PLD5: variants seen among roughly 807,000 people sequenced by gnomAD.
The protein encoded by PLD5 is phospholipase D family member 5.
A neutral mutation model predicts 61.1 loss-of-function variants in PLD5; 36 were observed. That is an observed-to-expected ratio of 0.59 (90% confidence interval 0.45 to 0.78). The LOEUF is 0.78. Ranked by LOEUF, PLD5 falls within the 30% of genes least tolerant of loss-of-function variation. PLD5 has a pLI of 0.00. For missense variants in PLD5, 515 were observed against 644.4 expected, an observed-to-expected ratio of 0.80 and a Z score of 2.17; for synonymous variants, 243 against 242.8, an observed-to-expected ratio of 1.00 and a Z score of -0.01.
intron 2 of PLD5, among the ~76,000 whole-genome samples, chr1:242,305,628 T>C (rs2919019): frequency 1.3e-5 from 2 of 152,022 alleles, no homozygotes; most frequent in African/African-American, 2.4e-5. Context: ...GCAGTGCTCA[T>C]GGCTCACTGC....
intron 1 of PLD5, among the ~76,000 whole-genome samples, chr1:242,481,844 A>T (rs1052862732): frequency 5.9e-5 from 9 of 152,064 alleles, no homozygotes; most frequent in African/African-American, 2.2e-4. Flanking sequence ...ACGGCCAGGT[A>T]CTCCTCTCAG....
intron 5 of PLD5, among the ~76,000 whole-genome samples, chr1:242,208,577 G>A (rs530092519): frequency 2.0e-5 from 3 of 152,148 alleles, no homozygotes; most frequent in East Asian, 3.9e-4. Context: ...TTCTAGTTCC[G>A]AGATTAGATG....
At chr1:242,508,933 T>C (rs987823692) in intron 1 of PLD5, among the ~76,000 whole-genome samples, 1 of 151,690 alleles carries the variant, frequency 6.6e-6, no homozygotes, top group Non-Finnish European at 1.5e-5. Flanking sequence ...ACACAAAAAT[T>C]AGCCAGGCAT....
At chr1:242,359,072 C>G (rs886199485) in intron 1 of PLD5, among the ~76,000 whole-genome samples, 50 of 152,108 alleles carry the variant, frequency 3.3e-4, no homozygotes, top group Non-Finnish European at 6.2e-4. Flanking sequence ...GTGACCTATG[C>G]TATTACCTGA....
chr1:242,460,086 C>T (rs1241562978), intron 1 of PLD5, among the ~76,000 whole-genome samples: 1 of 151,764 alleles, frequency 6.6e-6, no homozygotes, highest in African/African-American at 2.4e-5. Context: ...TGTTTCTGTT[C>T]TAAGGCTCTG....
chr1:242,392,020 C>G (rs1662963953), intron 1 of PLD5, among the ~76,000 whole-genome samples: 2 of 152,114 alleles, frequency 1.3e-5, no homozygotes, highest in Non-Finnish European at 2.9e-5. Flanking sequence ...TGCCCATCAA[C>G]AGTGGATTGG....
intron 4 of PLD5, among the ~76,000 whole-genome samples, chr1:242,226,421 A>G (rs970927644): frequency 1.3e-5 from 2 of 152,256 alleles, no homozygotes; most frequent in Non-Finnish European, 2.9e-5. Flanking sequence ...ATTCATAGGC[A>G]TTATTAGTAA....
chr1:242,358,365 T>C (rs1452227425), intron 1 of PLD5, among the ~76,000 whole-genome samples: 1 of 151,774 alleles, frequency 6.6e-6, no homozygotes, highest in Non-Finnish European at 1.5e-5. Context: ...AGCCACCTTT[T>C]CTGGCATTTA....
intron 5 of PLD5, among the ~76,000 whole-genome samples, chr1:242,163,545 G>GAGAA (rs752919368): frequency 2.0e-5 from 3 of 152,166 alleles, no homozygotes; most frequent in African/African-American, 7.2e-5. Context: ...CGGAAGGAAA[G>GAGAA]AGAAAGAGGT....
intron 4 of PLD5, among the ~76,000 whole-genome samples, chr1:242,233,966 T>C (rs1259720718): frequency 6.6e-6 from 1 of 152,162 alleles, no homozygotes; most frequent in Non-Finnish European, 1.5e-5. Flanking sequence ...GGAGATGTGG[T>C]TAAATTAAAC....
At chr1:242,135,404 G>A (rs1440070159) in intron 5 of PLD5, among the ~76,000 whole-genome samples, 3 of 152,136 alleles carry the variant, frequency 2.0e-5, no homozygotes, top group Non-Finnish European at 2.9e-5. Context: ...AAAGGGTCAC[G>A]GACATGCAGT....
At chr1:242,229,724 A>C (rs1371827408) in intron 4 of PLD5, among the ~76,000 whole-genome samples, 1 of 152,060 alleles carries the variant, frequency 6.6e-6, no homozygotes, top group East Asian at 1.9e-4. Context: ...TAGGAGTCTC[A>C]TACACTGTAA....
At chr1:242,389,950 T>C (rs1558520148) in intron 1 of PLD5, among the ~76,000 whole-genome samples, 1 of 151,936 alleles carries the variant, frequency 6.6e-6, no homozygotes, top group South Asian at 2.1e-4. Context: ...GACTCCACTA[T>C]TTACTATTGC....
chr1:242,305,277 G>A (rs572612490), intron 2 of PLD5, among the ~76,000 whole-genome samples: 7 of 152,132 alleles, frequency 4.6e-5, no homozygotes, highest in Admixed American at 1.3e-4. Context: ...GTGTTCCAGC[G>A]TCCTGCCCCA....
At chr1:242,509,814 G>T (rs1249661795) in intron 1 of PLD5, among the ~76,000 whole-genome samples, 1 of 152,174 alleles carries the variant, frequency 6.6e-6, no homozygotes, top group African/African-American at 2.4e-5. Context: ...AGGATGAGAA[G>T]ACAGGAATTA....
chr1:242,504,489 A>G (rs1404300437), intron 1 of PLD5, among the ~76,000 whole-genome samples: 1 of 152,198 alleles, frequency 6.6e-6, no homozygotes, highest in Non-Finnish European at 1.5e-5. Flanking sequence ...TACTCAATTC[A>G]TTTTCATACT....
At chr1:242,202,833 C>T (rs569549046) in intron 5 of PLD5, among the ~76,000 whole-genome samples, 3 of 152,132 alleles carry the variant, frequency 2.0e-5, no homozygotes, top group East Asian at 1.9e-4. Flanking sequence ...TCAGGTGACA[C>T]CCTATCCTGG....
At chr1:242,179,327 C>A (rs566664243) in intron 5 of PLD5, among the ~76,000 whole-genome samples, 40 of 152,220 alleles carry the variant, frequency 2.6e-4, no homozygotes, top group African/African-American at 9.6e-4. Flanking sequence ...TCAAAGGAGG[C>A]CTTGTCTGCA....
rs1662966717 is a variant in PLD5 at position 242,128,370 on chromosome 1, G to C, written c.736-3705C>G. Reference sequence around the variant, plus strand: ...TCCACCTTGTTTCTCAGAAGTATTTGTCTGCTAATCTTCATGTGGATGTTT... The same window carrying C: ...TCCACCTTGTTTCTCAGAAGTATTTCTCTGCTAATCTTCATGTGGATGTTT... On this transcript the variant is annotated intron_variant, in intron 5 of 9. Transcript: ENST00000536534. Among the ~76,000 whole-genome samples the C allele has an allele frequency of 4.0e-5, 6 of 151,476 alleles. No homozygotes were observed. The South Asian group carries it at 1.2e-3, about 32-fold the overall frequency.
Sources: allele counts gnomAD v4.1 joint callset (sites outside exome capture counted in the v4.1 genomes callset), GRCh38; gene constraint gnomAD v4.1.1; transcripts MANE v1.5; gene names NCBI Gene and HGNC (gene_info 2026-07-23, HGNC 2026-07-21).